Variants in KLHL32 observed in about 807,000 individuals in gnomAD.
The protein encoded by KLHL32 is kelch-like protein 32.
Under a neutral mutation model 64.8 loss-of-function variants are expected in KLHL32, and 35 were observed. That is an observed-to-expected ratio of 0.54 (90% CI 0.41 to 0.72). KLHL32 has a LOEUF of 0.72. Among genes scored for constraint, KLHL32 ranks in the 30% least tolerant of loss-of-function variants. KLHL32 has a pLI of 0.00. For missense variants in KLHL32, 589 were observed against 768.5 expected (o/e 0.77, Z 2.76); for synonymous variants, 259 against 281.0 (o/e 0.92, Z 0.78).
intron 5 of KLHL32, among the ~76,000 whole-genome samples, chr6:97,075,088 C>G (rs1374060591): frequency 1.3e-5 from 2 of 151,976 alleles, no homozygotes; most frequent in Non-Finnish European, 2.9e-5. Flanking sequence ...TATTCATGAG[C>G]CTTGGGTATT....
intron 2 of KLHL32, among the ~76,000 whole-genome samples, chr6:96,969,583 C>G (rs1048643605): frequency 6.6e-6 from 1 of 152,176 alleles, no homozygotes; most frequent in Non-Finnish European, 1.5e-5. Context: ...TCTTCAGATT[C>G]AACAAGCCAA....
rs139669986 is a variant in KLHL32 at position 96,973,870 on chromosome 6, C to T, written c.24-2127C>T. Among the ~76,000 whole-genome samples, 1,090 of 151,850 alleles carry T rather than the reference C, an allele frequency of 7.2e-3. 26 individuals carry two copies. Among genetic ancestry groups the T allele is most frequent in the African/African-American group, 0.025 (1,038 of 41,374 alleles). ...CCTGAGTCGCTGGGATTAAGGTGCG[C>T]GCCACCATGCCTGGCTAATTTTTGT... is the stretch of plus-strand genomic sequence containing the variant. On this transcript the variant is annotated intron_variant, in intron 2 of 10. Transcript: ENST00000369261.
rs111594342 is a variant in KLHL32 at position 97,036,555 on chromosome 6, A to T, written c.205-4937A>T. ...ATGTGATGATACCTGAGGTGTGATG[A>T]TGGGTGGGGTGTGTGGTGGTTCTTA... On this transcript the variant is annotated intron_variant, in intron 3 of 10. Transcript: ENST00000369261. Among the ~76,000 whole-genome samples the T allele has an allele frequency of 7.5e-3, 1,135 of 152,146 alleles. 14 individuals are homozygous for T. The highest frequency in any genetic ancestry group is 0.025 in the African/African-American group (1,020 of 41,516).
chr6:97,069,602 A>G (rs1790380759), intron 5 of KLHL32, among the ~76,000 whole-genome samples: 1 of 152,124 alleles, frequency 6.6e-6, no homozygotes, highest in African/African-American at 2.4e-5. Context: ...GCTTTCGAGC[A>G]GAGGGATCAC....
chr6:97,115,018 T>C (rs1331029516), intron 7 of KLHL32, among the ~76,000 whole-genome samples: 2 of 152,194 alleles, frequency 1.3e-5, no homozygotes, highest in Non-Finnish European at 2.9e-5. Context: ...AACAAAGTTG[T>C]TGTTGTTGCT....
intron 2 of KLHL32, among the ~76,000 whole-genome samples, chr6:96,970,381 C>G (rs1582524755): frequency 2.6e-5 from 4 of 152,318 alleles, no homozygotes; most frequent in South Asian, 4.1e-4. Flanking sequence ...TGTAGACACT[C>G]TATAAGGGCC....
At chr6:97,048,897 G>T (rs1478388332) in intron 4 of KLHL32, among the ~76,000 whole-genome samples, 1 of 152,206 alleles carries the variant, frequency 6.6e-6, no homozygotes, top group Non-Finnish European at 1.5e-5. Flanking sequence ...GTTTCTCTCA[G>T]GAGTAGTGTT....
At chr6:96,989,047 A>G (rs904484680) in intron 3 of KLHL32, among the ~76,000 whole-genome samples, 5 of 152,244 alleles carry the variant, frequency 3.3e-5, no homozygotes, top group African/African-American at 7.2e-5. Flanking sequence ...TGGCACATGT[A>G]TACATATGTA....
At chr6:96,990,892 T>C (rs1582616942) in intron 3 of KLHL32, among the ~76,000 whole-genome samples, 1 of 152,194 alleles carries the variant, frequency 6.6e-6, no homozygotes, top group African/African-American at 2.4e-5. Context: ...GTTCCTTCCT[T>C]AGTCCAAGGG....
intron 3 of KLHL32, among the ~76,000 whole-genome samples, chr6:97,028,001 G>T (rs997447757): frequency 6.6e-6 from 1 of 152,130 alleles, no homozygotes; most frequent in African/African-American, 2.4e-5. Flanking sequence ...ATATTTTGAA[G>T]GTTTTACTAA....
At chr6:96,904,780 A>G in the KLHL32 span, among the ~76,000 whole-genome samples, 4 of 152,268 alleles carry the variant, frequency 2.6e-5, no homozygotes, top group Admixed American at 1.3e-4. Context: ...TTACAGGAAT[A>G]GGCAAATAAA....
intron 5 of KLHL32, among the ~76,000 whole-genome samples, chr6:97,072,871 A>G (rs1023910065): frequency 6.6e-6 from 1 of 152,120 alleles, no homozygotes; most frequent in Non-Finnish European, 1.5e-5. Context: ...CTGTCTCCCC[A>G]AGACATAAGT....
At chr6:97,036,417 C>T (rs1386678006) in intron 3 of KLHL32, among the ~76,000 whole-genome samples, 2 of 152,162 alleles carry the variant, frequency 1.3e-5, no homozygotes, top group African/African-American at 2.4e-5. Context: ...TGTTATGTTT[C>T]CCTGACATTT....
chr6:96,919,632 A>T (rs1305337204), upstream of KLHL32, among the ~76,000 whole-genome samples: 1 of 152,204 alleles, frequency 6.6e-6, no homozygotes, highest in Admixed American at 6.5e-5. Flanking sequence ...TAATGCAATT[A>T]AAAGTGTTAT....
intron 10 of KLHL32, among the ~76,000 whole-genome samples, chr6:97,133,879 T>G (rs1799702026): frequency 6.6e-6 from 1 of 152,182 alleles, no homozygotes. Flanking sequence ...TTTCTTAGCA[T>G]ACATGGAACA....
intron 4 of KLHL32, among the ~76,000 whole-genome samples, chr6:97,054,798 G>T (rs1673007574): frequency 6.6e-6 from 1 of 152,160 alleles, no homozygotes; most frequent in African/African-American, 2.4e-5. Flanking sequence ...ACTTGGCACA[G>T]CCCAAAGAAT....
chr6:96,975,950 AG>A (rs1562206618), intron 2 of KLHL32, 46 bp from the exon 3 acceptor site: 1 of 1,451,684 alleles, frequency 6.9e-7, no homozygotes, highest in South Asian at 1.5e-5. Context: ...GCTGGCCCAC[AG>A]GGCTGGGAAA....
At chr6:96,981,010 G>T (rs1463694377) in intron 3 of KLHL32, among the ~76,000 whole-genome samples, 1 of 151,736 alleles carries the variant, frequency 6.6e-6, no homozygotes, top group African/African-American at 2.4e-5. Flanking sequence ...GGTGGGGCGG[G>T]GGGGCAGGCG....
intron 5 of KLHL32, among the ~76,000 whole-genome samples, chr6:97,076,731 A>G (rs553579510): frequency 6.6e-6 from 1 of 152,320 alleles, no homozygotes; most frequent in Non-Finnish European, 1.5e-5. Flanking sequence ...AAAGTAGCAC[A>G]CAGTTCTGAA....
Sources: gnomAD v4.1 joint callset for allele counts (sites outside exome capture counted in the v4.1 genomes callset) on GRCh38, gnomAD v4.1.1 for gene constraint, MANE v1.5 for transcripts, NCBI Gene and HGNC (gene_info 2026-07-23, HGNC 2026-07-21) for gene names.